Variants in FNDC3A observed in about 807,000 individuals in gnomAD.
FNDC3A encodes the protein fibronectin type III domain containing 3A, also known as fibronectin type-III domain-containing protein 3A.
Under a neutral mutation model 148.9 loss-of-function variants are expected in FNDC3A, and 32 were observed. The observed-to-expected ratio is 0.21, with a 90% CI of 0.16 to 0.29. The LOEUF (loss-of-function observed/expected upper bound fraction) is 0.29, where lower values mean the gene tolerates loss of function less well. Ranked by LOEUF, FNDC3A falls within the 10% of genes least tolerant of loss-of-function variation. The pLI is 1.00. For missense variants in FNDC3A, 1,191 were observed against 1,452.8 expected (o/e 0.82, Z 2.93); for synonymous variants, 472 against 473.6 (o/e 1.00, Z 0.04).
intron 17 of FNDC3A, among the ~76,000 whole-genome samples, chr13:49,189,408 C>T (rs1033498167): frequency 6.6e-6 from 1 of 152,072 alleles, no homozygotes; most frequent in Non-Finnish European, 1.5e-5. Context: ...GCCTCGAACT[C>T]CTGACTTCGT....
At chr13:49,200,370 T>C (rs1886366915) in intron 23 of FNDC3A, among the ~76,000 whole-genome samples, 1 of 152,194 alleles carries the variant, frequency 6.6e-6, no homozygotes, top group Admixed American at 6.5e-5. Context: ...TCCTAAAATC[T>C]GTATCGATGA....
At chr13:49,011,083 T>C (rs1442552961) in intron 2 of FNDC3A, among the ~76,000 whole-genome samples, 2 of 152,160 alleles carry the variant, frequency 1.3e-5, no homozygotes, top group Non-Finnish European at 2.9e-5. Flanking sequence ...TAGTTTGGGA[T>C]TATTATGAAG....
chr13:49,030,147 C>G (rs185453924), intron 2 of FNDC3A, among the ~76,000 whole-genome samples: 177 of 152,200 alleles, frequency 1.2e-3, no homozygotes, highest in African/African-American at 4.0e-3. Context: ...AAAGTACTAG[C>G]AAATCAAGTC....
Position 49,209,126 on chromosome 13 carries a change from T to G in FNDC3A, c.*1731T>G, listed in dbSNP as rs73184694. 2 of 152,730 alleles carry G rather than the reference T, an allele frequency of 1.3e-5. No individual in the cohort carries two copies. Among genetic ancestry groups the G allele is most frequent in the Non-Finnish European group, 2.9e-5 (2 of 68,020 alleles). 9.5% of individuals were successfully genotyped at this position (152,730 alleles called of 1,614,324 possible). ...AACCTTCCCCAGAAACAACAGTGAT[T>G]GCGATTGTTTTCTAGAAACTTCTTT... On this transcript the variant is annotated 3_prime_UTR_variant, in exon 26 of 26. Coordinates refer to ENST00000492622, the MANE Select transcript of FNDC3A (RefSeq NM_001079673.2).
intron 3 of FNDC3A, among the ~76,000 whole-genome samples, chr13:49,107,299 T>G (rs1194720273): frequency 6.6e-6 from 1 of 152,040 alleles, no homozygotes; most frequent in Non-Finnish European, 1.5e-5. Flanking sequence ...GAAAATAGAG[T>G]TACTGTTAAT....
At chr13:49,157,655 T>C (rs1233200814) in intron 8 of FNDC3A, among the ~76,000 whole-genome samples, 1 of 148,998 alleles carries the variant, frequency 6.7e-6, no homozygotes, top group Non-Finnish European at 1.5e-5. Flanking sequence ...TGTGGTTTTA[T>C]CTACTTTTGG....
At chr13:49,070,420 T>A (rs1371127427) in intron 2 of FNDC3A, among the ~76,000 whole-genome samples, 1 of 152,190 alleles carries the variant, frequency 6.6e-6, no homozygotes, top group East Asian at 1.9e-4. Flanking sequence ...TATAAAAATA[T>A]GAAGTACCAG....
At chr13:49,069,282 C>T (rs1057156713) in intron 2 of FNDC3A, among the ~76,000 whole-genome samples, 11 of 152,124 alleles carry the variant, frequency 7.2e-5, no homozygotes, top group African/African-American at 1.4e-4. Flanking sequence ...TTAAAGATGA[C>T]GGTGGCCTCC....
intron 2 of FNDC3A, among the ~76,000 whole-genome samples, chr13:49,053,429 T>TTACA (rs1875996960): frequency 6.6e-6 from 1 of 152,206 alleles, no homozygotes; most frequent in South Asian, 2.1e-4. Context: ...TCATGACTCA[T>TTACA]GACACAGCCT....
At chr13:49,027,308 A>G (rs780727470) in intron 2 of FNDC3A, among the ~76,000 whole-genome samples, 6 of 152,244 alleles carry the variant, frequency 3.9e-5, no homozygotes, top group Non-Finnish European at 8.8e-5. Flanking sequence ...ACAGTTAGAA[A>G]TGGCAGCACC....
chr13:49,060,767 A>G (rs1223601402), intron 2 of FNDC3A, among the ~76,000 whole-genome samples: 1 of 151,942 alleles, frequency 6.6e-6, no homozygotes, highest in Non-Finnish European at 1.5e-5. Flanking sequence ...GATTTTGTTT[A>G]TATTAAACAT....
chr13:49,163,711 T>C (rs1263010574), intron 8 of FNDC3A, among the ~76,000 whole-genome samples: 4 of 152,192 alleles, frequency 2.6e-5, no homozygotes, highest in African/African-American at 9.7e-5. Flanking sequence ...CCATCTTCTG[T>C]ATTGCTCACA....
intron 8 of FNDC3A, among the ~76,000 whole-genome samples, chr13:49,161,943 C>A (rs1245215757): frequency 1.3e-5 from 2 of 152,232 alleles, no homozygotes; most frequent in African/African-American, 2.4e-5. Flanking sequence ...CCCCCACTCT[C>A]TTCTGGCTTG....
At chr13:49,050,062 G>A (rs533235268) in intron 2 of FNDC3A, among the ~76,000 whole-genome samples, 98 of 152,160 alleles carry the variant, frequency 6.4e-4, no homozygotes, top group African/African-American at 2.0e-3. Flanking sequence ...TGGTCTATCA[G>A]TTTTATTTAT....
At chr13:49,093,464 A>T (rs983178543) in intron 3 of FNDC3A, among the ~76,000 whole-genome samples, 1 of 152,180 alleles carries the variant, frequency 6.6e-6, no homozygotes, top group Non-Finnish European at 1.5e-5. Flanking sequence ...AACACTCTAC[A>T]TGTGACTAAC....
At chr13:49,061,116 G>A (rs1876653428) in intron 2 of FNDC3A, among the ~76,000 whole-genome samples, 1 of 151,668 alleles carries the variant, frequency 6.6e-6, no homozygotes, top group Admixed American at 6.6e-5. Flanking sequence ...GAGGGGGCTT[G>A]TGTTTGTTTT....
At chr13:49,010,691 C>G (rs1243584354) in intron 2 of FNDC3A, among the ~76,000 whole-genome samples, 3 of 152,162 alleles carry the variant, frequency 2.0e-5, no homozygotes, top group African/African-American at 7.2e-5. Context: ...ACAAGCCACA[C>G]TAAGAGATAT....
intron 2 of FNDC3A, among the ~76,000 whole-genome samples, chr13:49,013,733 G>A (rs1201233958): frequency 2.3e-4 from 32 of 139,338 alleles, no homozygotes; most frequent in Non-Finnish European, 4.4e-4. Context: ...ATCTCCCAAT[G>A]CTATCCCTCC....
chr13:49,085,287 G>C lies in FNDC3A; in HGVS notation c.175+9923G>C, dbSNP rs555910622. ...CCTCTATCCCATTAATCACAACTCTGTTACCTCATGGTAAGTTATTTGCCT... is the reference window on the plus strand; with the variant it reads ...CCTCTATCCCATTAATCACAACTCTCTTACCTCATGGTAAGTTATTTGCCT... On this transcript the variant is annotated intron_variant, in intron 3 of 25. Coordinates refer to ENST00000492622, the MANE Select transcript of FNDC3A (RefSeq NM_001079673.2). Among the ~76,000 whole-genome samples, 67 of 152,280 alleles carry C rather than the reference G, an allele frequency of 4.4e-4. No individual in the cohort carries two copies. The South Asian group carries it at 0.014, about 32-fold the overall frequency.
Sources: gnomAD v4.1 joint callset for allele counts (sites outside exome capture counted in the v4.1 genomes callset) on GRCh38, gnomAD v4.1.1 for gene constraint, MANE v1.5 for transcripts, NCBI Gene and HGNC (gene_info 2026-07-23, HGNC 2026-07-21) for gene names.